Variants in TFDP1 observed in about 807,000 individuals in gnomAD.
TFDP1 encodes the protein DRTF1-polypeptide 1.
In TFDP1, 6 loss-of-function variants were observed where a neutral mutation model predicts 48.0. The ratio of observed to expected loss-of-function variants is 0.13; its 90% CI spans 0.07 to 0.25. The LOEUF (loss-of-function observed/expected upper bound fraction) is 0.25. Among genes scored for constraint, TFDP1 ranks in the 10% least tolerant of loss-of-function variants. The probability of loss-of-function intolerance (pLI) is 1.00; values close to 1 mark genes in which losing one functional copy is unlikely to be tolerated. For missense variants in TFDP1, 335 were observed against 543.0 expected (o/e 0.62, Z 3.81); for synonymous variants, 201 against 211.6 (o/e 0.95, Z 0.44).
intron 2 of TFDP1, among the ~76,000 whole-genome samples, chr13:113,602,444 C>G (rs1775408592): frequency 1.3e-5 from 2 of 151,794 alleles, no homozygotes; most frequent in Admixed American, 6.6e-5. Context: ...GTCCTGGTAG[C>G]AGGCGGGGCC....
chr13:113,620,433 C>G (rs567002053), intron 3 of TFDP1, among the ~76,000 whole-genome samples: 2 of 152,338 alleles, frequency 1.3e-5, no homozygotes, highest in South Asian at 4.1e-4. Context: ...AGGTCTGTTT[C>G]TTTCTTCACA....
chr13:113,605,711 G>C (rs1642853547), intron 2 of TFDP1, among the ~76,000 whole-genome samples: 1 of 152,250 alleles, frequency 6.6e-6, no homozygotes, highest in Non-Finnish European at 1.5e-5. Context: ...TTTCGCCAGA[G>C]GGCAGGGAGT....
intron 3 of TFDP1, among the ~76,000 whole-genome samples, chr13:113,622,534 C>CT (rs909741243): frequency 2.0e-5 from 3 of 152,244 alleles, no homozygotes; most frequent in Non-Finnish European, 2.9e-5. Context: ...AGTTTTTGAA[C>CT]TTTATCATTA....
rs1044282840 is a variant in TFDP1 at position 113,623,266 on chromosome 13, G to T, written c.166G>T (p.Val56Phe). 1 of 1,612,364 alleles carries T rather than the reference G, an allele frequency of 6.2e-7. No individual in the cohort carries two copies. The highest frequency in any genetic ancestry group is 2.2e-5 in the East Asian group (1 of 44,792). Residue 56 changes from valine to phenylalanine, a missense_variant, in exon 4 of 12, where the codon GTC (valine) becomes TTC (phenylalanine). By Grantham distance (50) the Val-to-Phe change is conservative (BLOSUM62 -1). Transcript: ENST00000375370. The surrounding 1 kb of genome is among the most constrained non-coding windows in gnomAD (Gnocchi z 5.2). ...GCCAAAAACCTTTGGACAGTCCAAT[G>T]TCAACATTGCCCAGCAAGTGGTAAG... ...LLPKTFGQSN[V>F]NIAQQVVIGT...
At chr13:113,638,790 A>T (rs774919292) in intron 11 of TFDP1, among the ~76,000 whole-genome samples, 3 of 152,240 alleles carry the variant, frequency 2.0e-5, no homozygotes, top group Non-Finnish European at 2.9e-5. Context: ...TAACAAAACA[A>T]TGATTTTATT....
In TFDP1 at chr13:113,641,116, A is replaced by G. The variant is rs1566684007; in HGVS notation, c.*849A>G. On this transcript the variant is annotated 3_prime_UTR_variant, in exon 12 of 12. Coordinates refer to ENST00000375370, the MANE Select transcript of TFDP1 (RefSeq NM_007111.5). The stretch of plus-strand genomic sequence containing the variant: ...CATTTAAAGACATGTACTGAAACAA[A>G]TGTATTTGTTTCATAAGCATCTTCC... 1 of 152,660 alleles carries G rather than the reference A, an allele frequency of 6.6e-6. No individual in the cohort carries two copies. The highest frequency in any genetic ancestry group is 1.5e-5 in the Non-Finnish European group (1 of 68,038). 9.5% of individuals were successfully genotyped at this position (152,660 alleles called of 1,614,324 possible). A position where few individuals can be genotyped will look rare whatever the true frequency, so the allele number is the denominator to read the frequency against.
intron 2 of TFDP1, among the ~76,000 whole-genome samples, chr13:113,606,679 T>G (rs964097175): frequency 3.3e-5 from 5 of 152,174 alleles, no homozygotes; most frequent in Non-Finnish European, 7.3e-5. Flanking sequence ...TATAGAACAT[T>G]TGTGTGACTT....
At chr13:113,631,921 G>A (rs1353340990) in intron 5 of TFDP1, 177 bp downstream of exon 5, 29 of 833,624 alleles carry the variant, frequency 3.5e-5, no homozygotes, top group South Asian at 1.6e-4. Context: ...CAGCCGAGGC[G>A]CACTGCCTCG....
At chr13:113,602,465 G>A (rs2048461398) in intron 2 of TFDP1, among the ~76,000 whole-genome samples, 1 of 150,336 alleles carries the variant, frequency 6.7e-6, no homozygotes, top group Admixed American at 6.7e-5. Flanking sequence ...CATCCCAGCT[G>A]CTGTTTATAG....
chr13:113,602,986 A>C (rs1442567287), intron 2 of TFDP1, among the ~76,000 whole-genome samples: 2 of 45,572 alleles, frequency 4.4e-5, no homozygotes, highest in Non-Finnish European at 3.7e-5. Context: ...AAAAAAAAAA[A>C]CGTATAATTT....
At position 113,627,081 on chromosome 13, in the gene TFDP1, A is replaced by C. The variant is rs1405641844; in HGVS notation, c.186+3795A>C. Among the ~76,000 whole-genome samples the C allele has an allele frequency of 6.6e-6, 1 of 152,218 alleles. No homozygotes were observed. The highest frequency in any genetic ancestry group is 2.4e-5 in the African/African-American group (1 of 41,456). ...CAGTGATGGGAATTAAAGCTGACAA[A>C]GGGCAAATGTTTCTTAAACCTTTTT... is the stretch of plus-strand genomic sequence containing the variant. On this transcript the variant is annotated intron_variant, in intron 4 of 11. Transcript: ENST00000375370. The surrounding 1 kb of genome is among the most constrained non-coding windows in gnomAD (Gnocchi z 4.1).
intron 5 of TFDP1, 49 bp downstream of exon 5, chr13:113,631,793 C>T (rs770172137): frequency 1.2e-5 from 19 of 1,602,900 alleles, no homozygotes; most frequent in Admixed American, 5.2e-5. Context: ...GCTTGCGGTT[C>T]GCACCTCCAC....
At chr13:113,609,364 C>T (rs966094028) in intron 2 of TFDP1, among the ~76,000 whole-genome samples, 2 of 148,150 alleles carry the variant, frequency 1.3e-5, no homozygotes, top group Non-Finnish European at 2.9e-5. Context: ...ACAGCCAGGG[C>T]TGGGACGGTG....
At chr13:113,590,330 C>T (rs1318000415) in intron 2 of TFDP1, among the ~76,000 whole-genome samples, 1 of 152,202 alleles carries the variant, frequency 6.6e-6, no homozygotes, top group African/African-American at 2.4e-5. Context: ...TTGAGTGATG[C>T]TGTCACGAGG....
intron 10 of TFDP1, chr13:113,637,386 A>G (rs1010092729): frequency 5.6e-6 from 2 of 356,286 alleles, no homozygotes; most frequent in Non-Finnish European, 1.1e-5. Context: ...TGGCTGGTCC[A>G]TGTTGTCAGG....
intron 5 of TFDP1, among the ~76,000 whole-genome samples, chr13:113,632,390 C>A (rs4150781): frequency 2.0e-5 from 3 of 152,228 alleles, no homozygotes; most frequent in Non-Finnish European, 4.4e-5. Context: ...TGTTGTCAAG[C>A]GGCTGTCACA....
At chr13:113,613,086 G>T (rs1233785799) in intron 3 of TFDP1, among the ~76,000 whole-genome samples, 1 of 152,136 alleles carries the variant, frequency 6.6e-6, no homozygotes, top group Non-Finnish European at 1.5e-5. Context: ...GCGCCGTCTC[G>T]GCTCACTGCA....
At chr13:113,634,084 A>G (rs1222592328) in intron 7 of TFDP1, 51 bp downstream of exon 7, 3 of 1,613,144 alleles carry the variant, frequency 1.9e-6, no homozygotes, top group African/African-American at 1.3e-5. Flanking sequence ...GTCCGTGTAG[A>G]TGTTTTAGTC....
chr13:113,634,071 C>CA, intron 7 of TFDP1, 38 bp downstream of exon 7: 1 of 1,613,902 alleles, frequency 6.2e-7, no homozygotes, highest in African/African-American at 1.3e-5. Context: ...GATTTCCCTT[C>CA]AAGTCCGTGT....
Sources: allele counts gnomAD v4.1 joint callset (sites outside exome capture counted in the v4.1 genomes callset), GRCh38; gene constraint gnomAD v4.1.1; non-coding constraint Gnocchi (gnomAD v3.1); transcripts MANE v1.5; gene names NCBI Gene and HGNC (gene_info 2026-07-23, HGNC 2026-07-21).